Variants in HGF observed in about 807,000 individuals in gnomAD.
The protein encoded by HGF is fibroblast-derived tumor cytotoxic factor.
A neutral mutation model predicts 111.6 loss-of-function variants in HGF; 39 were observed. The ratio of observed to expected loss-of-function variants is 0.35; its 90% CI spans 0.27 to 0.46. The LOEUF (loss-of-function observed/expected upper bound fraction) is 0.46, where lower values mean the gene tolerates loss of function less well. Among genes scored for constraint, HGF ranks in the 20% least tolerant of loss-of-function variants. The pLI, the probability that HGF is intolerant of heterozygous loss-of-function variation, is 1.00. For synonymous variants in HGF, 285 were observed against 294.8 expected, an observed-to-expected ratio of 0.97 and a Z score of 0.34; for missense variants, 735 against 910.5, an observed-to-expected ratio of 0.81 and a Z score of 2.48.
chr7:81,767,836 C>T (rs774087484), intron 1 of HGF, among the ~76,000 whole-genome samples: 76 of 152,064 alleles, frequency 5.0e-4, no homozygotes, highest in Non-Finnish European at 9.1e-4. Flanking sequence ...ACAAAAGAAA[C>T]CTCTAAATAG....
intron 6 of HGF, among the ~76,000 whole-genome samples, chr7:81,744,557 G>A (rs1788150927): frequency 6.6e-6 from 1 of 152,114 alleles, no homozygotes; most frequent in Non-Finnish European, 1.5e-5. Context: ...AAGGAGATTT[G>A]CCTGCAATTA....
chr7:81,726,021 T>C lies in HGF; in HGVS notation c.1041-4A>G, dbSNP rs377520824. Reference sequence around the variant, plus strand: ...GCAGTAATTTTCTCGTAGGTCCCTATTGAGAATAAGCATGTTAATGTAAAT... The same window carrying C: ...GCAGTAATTTTCTCGTAGGTCCCTACTGAGAATAAGCATGTTAATGTAAAT... On this transcript the variant is annotated splice_region_variant and splice_polypyrimidine_tract_variant and intron_variant, in intron 8 of 17. Coordinates refer to ENST00000222390, the MANE Select transcript of HGF (RefSeq NM_000601.6). 14 of 1,613,748 alleles carry C rather than the reference T, an allele frequency of 8.7e-6. No individual in the cohort carries two copies. The highest frequency in any genetic ancestry group is 1.3e-5 in the African/African-American group (1 of 74,932).
intron 17 of HGF, among the ~76,000 whole-genome samples, chr7:81,703,845 G>A (rs1238728375): frequency 6.6e-6 from 1 of 151,492 alleles, no homozygotes; most frequent in African/African-American, 2.4e-5. Context: ...CCAAGTTAGG[G>A]GTAAAGTAGA....
At chr7:81,712,026 T>C (rs542857812) in intron 11 of HGF, among the ~76,000 whole-genome samples, 3 of 152,306 alleles carry the variant, frequency 2.0e-5, no homozygotes, top group Non-Finnish European at 2.9e-5. Context: ...TACTGGATAA[T>C]ATTGTAAGTA....
chr7:81,714,313 C>T (rs1326189004), intron 11 of HGF, among the ~76,000 whole-genome samples: 1 of 151,950 alleles, frequency 6.6e-6, no homozygotes, highest in African/African-American at 2.4e-5. Context: ...TTATATATGG[C>T]TTTGTACACA....
chr7:81,710,257 A>T lies in HGF; in HGVS notation c.1445-14T>A. ...ATATTACGGGATCTGAAACAGGACC[A>T]AACATAACATTTTTTAAAATAAGAA... On this transcript the variant is annotated splice_polypyrimidine_tract_variant and intron_variant, in intron 12 of 17. Transcript: ENST00000222390. 6.4e-7 allele frequency: 1 copy of T among 1,566,064 alleles called. No homozygotes were observed. Among genetic ancestry groups the T allele is most frequent in the Non-Finnish European group, 8.8e-7 (1 of 1,136,276 alleles).
intron 1 of HGF, among the ~76,000 whole-genome samples, chr7:81,768,449 G>A (rs938393226): frequency 5.3e-5 from 8 of 151,828 alleles, no homozygotes; most frequent in African/African-American, 1.9e-4. Flanking sequence ...ACACAATCTC[G>A]GCTCACTGCA....
chr7:81,742,732 G>A, intron 7 of HGF: 2 of 1,442,230 alleles, frequency 1.4e-6, no homozygotes, highest in Non-Finnish European at 1.8e-6. Context: ...AGAAAAGCTA[G>A]GTAAGGGCCA....
intron 5 of HGF, among the ~76,000 whole-genome samples, chr7:81,746,535 ATCG>A (rs1788261880): frequency 6.6e-6 from 1 of 152,210 alleles, no homozygotes; most frequent in East Asian, 1.9e-4. Flanking sequence ...TGCAGCATTT[ATCG>A]TTATTTGTTC....
Position 81,758,666 on chromosome 7 carries a change from G to T in HGF, c.367+26C>A, listed in dbSNP as rs373921005. On this transcript the variant is annotated intron_variant, in intron 3 of 17. Transcript: ENST00000222390. ...ATTTCATTATACTTTATTTCATTAT[G>T]CAATATTTAGGGAGAAGTCAGTTAC... is the stretch of plus-strand genomic sequence containing the variant. 5.8e-5 allele frequency: 72 copies of T among 1,233,198 alleles called. No individual in the cohort carries two copies. The Middle Eastern group carries it at 9.4e-4, about 16-fold the overall frequency. 76.4% of individuals were successfully genotyped at this position (1,233,198 alleles called of 1,614,324 possible).
intron 10 of HGF, among the ~76,000 whole-genome samples, chr7:81,718,553 C>T (rs1265553025): frequency 6.6e-6 from 1 of 152,144 alleles, no homozygotes; most frequent in African/African-American, 2.4e-5. Flanking sequence ...AATCCTTGAT[C>T]AATTTCCTAC....
Position 81,720,761 on chromosome 7 carries a change from T to C in HGF, c.1255A>G (p.Met419Val). ...GLTCSMWDKN[M>V]EDLHRHIFWE... ...TTTACACACCGATGTAAGTCTTCCATGTTCTTGTCCCACATTGAACATGTT... is the reference window on the plus strand; with the variant it reads ...TTTACACACCGATGTAAGTCTTCCACGTTCTTGTCCCACATTGAACATGTT... Residue 419 changes from methionine to valine, a missense_variant, in exon 10 of 18, where the codon ATG becomes GTG. Physicochemically the swap from Met to Val is conservative, Grantham distance 21. Coordinates refer to ENST00000222390, the MANE Select transcript of HGF (RefSeq NM_000601.6). The C allele has an allele frequency of 6.2e-7, 1 of 1,608,888 alleles. No homozygotes were observed. The highest frequency in any genetic ancestry group is 8.5e-7 in the Non-Finnish European group (1 of 1,175,302).
intron 8 of HGF, among the ~76,000 whole-genome samples, chr7:81,726,882 TTTAAA>T (rs1229822416): frequency 6.6e-6 from 1 of 151,994 alleles, no homozygotes; most frequent in East Asian, 1.9e-4. Context: ...ATATGCTAAT[TTTAAA>T]TAAGTAGGTG....
At chr7:81,751,975 A>G in intron 5 of HGF, 145 bp downstream of exon 5, 1 of 1,447,326 alleles carries the variant, frequency 6.9e-7, no homozygotes, top group East Asian at 2.5e-5. Context: ...CATTGTATAA[A>G]AATGTTTAAA....
At chr7:81,743,544 A>G (rs1788096510) in intron 6 of HGF, 73 bp from the exon 7 acceptor site, 6 of 966,442 alleles carry the variant, frequency 6.2e-6, no homozygotes, top group Non-Finnish European at 1.0e-5. Flanking sequence ...CTCACAAAAT[A>G]ACTTTCCACT....
rs1396161103 is a variant in HGF, at chr7:81,764,048, G to A, written c.89-1176C>T. Among the ~76,000 whole-genome samples the A allele has an allele frequency of 3.3e-5, 5 of 152,220 alleles. No individual in the cohort carries two copies. The East Asian group carries it at 9.7e-4, about 29-fold the overall frequency. On this transcript the variant is annotated intron_variant, in intron 1 of 17. Transcript: ENST00000222390. ...AATTTGGTTTAGAGCTAGCAGTAGA[G>A]AAGAAATGTGGATAGTAGAGCAGGA...
intron 7 of HGF, among the ~76,000 whole-genome samples, chr7:81,736,929 G>GTGTGTGTGTGT (rs373877352): frequency 2.8e-5 from 4 of 142,490 alleles, no homozygotes; most frequent in Non-Finnish European, 3.1e-5. Context: ...GTGTGTGTGT[G>GTGTGTGTGTGT]GTGTTCTATA....
chr7:81,768,668 C>T (rs1789484768), intron 1 of HGF, among the ~76,000 whole-genome samples: 1 of 152,126 alleles, frequency 6.6e-6, no homozygotes, highest in Non-Finnish European at 1.5e-5. Flanking sequence ...CGTGAGCCAC[C>T]GCACCCGACC....
intron 9 of HGF, among the ~76,000 whole-genome samples, chr7:81,722,862 TGTTGCATTGCAA>T (rs1789907144): frequency 6.7e-6 from 1 of 148,460 alleles, no homozygotes; most frequent in African/African-American, 2.5e-5. Context: ...TATATATATA[TGTTGCATTGCAA>T]ATTTAAAAAG....
Sources: gnomAD v4.1 joint callset for allele counts (sites outside exome capture counted in the v4.1 genomes callset) on GRCh38, gnomAD v4.1.1 for gene constraint, MANE v1.5 for transcripts, NCBI Gene and HGNC (gene_info 2026-07-23, HGNC 2026-07-21) for gene names.